SRGAP3: variants seen among roughly 807,000 people sequenced by gnomAD.
SRGAP3 encodes the protein SLIT-ROBO Rho GTPase-activating protein 3.
SRGAP3 carries 39 observed loss-of-function variants against 121.1 expected under a neutral mutation model. That is an observed-to-expected ratio of 0.32 (90% CI 0.25 to 0.42). The LOEUF (loss-of-function observed/expected upper bound fraction) is 0.42, where lower values mean the gene tolerates loss of function less well. Among genes scored for constraint, SRGAP3 ranks in the 10% least tolerant of loss-of-function variants. The pLI is 1.00. For synonymous variants in SRGAP3, 601 were observed against 570.0 expected (o/e 1.05, Z -0.77); for missense variants, 1,213 against 1,470.6 (o/e 0.82, Z 2.86).
chr3:9,190,966 T>C (rs1410560260), intron 1 of SRGAP3, among the ~76,000 whole-genome samples: 1 of 152,168 alleles, frequency 6.6e-6, no homozygotes, highest in Admixed American at 6.5e-5. Flanking sequence ...AATCCTAAAG[T>C]TCCTTCAAGT....
At chr3:9,040,560 A>G (rs1944966313) in intron 10 of SRGAP3, among the ~76,000 whole-genome samples, 1 of 151,318 alleles carries the variant, frequency 6.6e-6, no homozygotes, top group Non-Finnish European at 1.5e-5. Context: ...ATTCTATTCT[A>G]TTCTATTTTA....
intron 3 of SRGAP3, among the ~76,000 whole-genome samples, chr3:9,086,315 C>T (rs2124822890): frequency 6.6e-6 from 1 of 152,064 alleles, no homozygotes; most frequent in East Asian, 1.9e-4. Flanking sequence ...GACCTGAGCC[C>T]AGGATTCGAG....
chr3:9,011,061 T>C (rs981353169), intron 17 of SRGAP3, among the ~76,000 whole-genome samples: 4 of 152,072 alleles, frequency 2.6e-5, no homozygotes, highest in South Asian at 2.1e-4. Flanking sequence ...TATAGAGCCA[T>C]TGAGTGAGTT....
At chr3:9,124,673 G>T in intron 2 of SRGAP3, 52 bp downstream of exon 2, 1 of 1,609,278 alleles carries the variant, frequency 6.2e-7, no homozygotes, top group Non-Finnish European at 8.5e-7. Flanking sequence ...CCAACTGTCC[G>T]CCCACCCCAG....
chr3:9,171,610 C>A (rs1290779610), intron 1 of SRGAP3, among the ~76,000 whole-genome samples: 2 of 152,168 alleles, frequency 1.3e-5, no homozygotes, highest in African/African-American at 4.8e-5. Flanking sequence ...TTATTAAAGT[C>A]TTATTAAAAG....
chr3:9,131,453 T>G (rs1446143129), intron 1 of SRGAP3, among the ~76,000 whole-genome samples: 1 of 147,556 alleles, frequency 6.8e-6, no homozygotes, highest in Non-Finnish European at 1.5e-5. Context: ...TTTTTTTTTT[T>G]TTTGAGATGG....
At chr3:9,197,690 A>T (rs1450848857) in intron 1 of SRGAP3, among the ~76,000 whole-genome samples, 1 of 152,248 alleles carries the variant, frequency 6.6e-6, no homozygotes, top group Non-Finnish European at 1.5e-5. Context: ...CAGATCATGC[A>T]TCTCAGAAGT....
At chr3:9,254,988 A>G (rs943302109) in intron 3 of SRGAP3, among the ~76,000 whole-genome samples, 1 of 147,082 alleles carries the variant, frequency 6.8e-6, no homozygotes, top group Non-Finnish European at 1.5e-5. Flanking sequence ...AAAAAGAAAA[A>G]GAAAGAAAGG....
chr3:9,104,224 A>G (rs1948325597), intron 3 of SRGAP3, among the ~76,000 whole-genome samples: 1 of 152,190 alleles, frequency 6.6e-6, no homozygotes, highest in South Asian at 2.1e-4. Context: ...TTATGATCTG[A>G]TTTAGAAAAA....
At chr3:9,323,732 T>C (rs901793460) in intron 3 of SRGAP3, among the ~76,000 whole-genome samples, 5 of 151,606 alleles carry the variant, frequency 3.3e-5, no homozygotes, top group Non-Finnish European at 7.4e-5. Flanking sequence ...GGTTTTCTTC[T>C]TTATTAAATT....
At chr3:9,044,952 T>C (rs909006339) in intron 10 of SRGAP3, among the ~76,000 whole-genome samples, 2 of 152,320 alleles carry the variant, frequency 1.3e-5, no homozygotes, top group Middle Eastern at 3.4e-3. Flanking sequence ...GTAGTGGCTA[T>C]ATAAAAATGA....
At chr3:9,353,901 ATCT>A (rs1010938383) in intron 1 of SRGAP3, among the ~76,000 whole-genome samples, 16 of 152,110 alleles carry the variant, frequency 1.1e-4, no homozygotes, top group African/African-American at 3.9e-4. Flanking sequence ...GCCAAGTGGG[ATCT>A]TCTTTTAACA....
intron 3 of SRGAP3, among the ~76,000 whole-genome samples, chr3:9,091,540 C>G (rs1472784212): frequency 6.6e-6 from 1 of 152,060 alleles, no homozygotes; most frequent in African/African-American, 2.4e-5. Flanking sequence ...TATGTAAGCA[C>G]GGGCCATCTC....
rs1273500681 is a variant in SRGAP3 at position 8,992,952 on chromosome 3, G to C, written c.2512C>G (p.Pro838Ala). The C allele has an allele frequency of 6.2e-7, 1 of 1,614,222 alleles. No individual in the cohort carries two copies. Among genetic ancestry groups the C allele is most frequent in the Non-Finnish European group, 8.5e-7 (1 of 1,180,050 alleles). ...KASSKNDLQS[P>A]TEHISDYGFG... Reference sequence around the variant, plus strand: ...CCGTAATCCGAGATGTGCTCCGTGGGGGACTGGAGGTCGTTTTTGGAAGAG... The same window carrying C: ...CCGTAATCCGAGATGTGCTCCGTGGCGGACTGGAGGTCGTTTTTGGAAGAG... Residue 838 changes from proline (P) to alanine (A), a missense_variant, in exon 20 of 22, where the codon CCC becomes GCC. Pro to Ala is a conservative substitution (Grantham distance 27, BLOSUM62 -1). This residue lies in a region of SRGAP3 where 420 missense variants were observed against 437.7 expected (regional missense o/e 0.96). Coordinates refer to ENST00000383836, the MANE Select transcript of SRGAP3 (RefSeq NM_014850.4).
intron 3 of SRGAP3, among the ~76,000 whole-genome samples, chr3:9,292,227 T>C (rs984018851): frequency 2.0e-5 from 3 of 152,212 alleles, no homozygotes; most frequent in Non-Finnish European, 4.4e-5. Flanking sequence ...AGAACACAGA[T>C]GGCTGTGCCT....
In SRGAP3 at chr3:9,234,600, T is replaced by G. The variant is rs372133391; in HGVS notation, c.67+14285A>C. ...AGCTTGAATCTCTCAGCGAGAACTC[T>G]ACCCGCCTACAGAAATCCAGGTCTT... is the stretch of plus-strand genomic sequence containing the variant. On this transcript the variant is annotated intron_variant, in intron 1 of 21. Transcript: ENST00000383836. 2.8e-4 allele frequency among the ~76,000 whole-genome samples: 42 copies of G among 152,292 alleles called. No homozygotes were observed. The East Asian group carries it at 7.7e-3, about 28-fold the overall frequency.
chr3:9,352,271 A>ATTTT (rs34692815), intron 1 of SRGAP3, among the ~76,000 whole-genome samples: 3 of 123,434 alleles, frequency 2.4e-5, no homozygotes, highest in Non-Finnish European at 4.9e-5. Flanking sequence ...TGTTATGGAC[A>ATTTT]TTTTTTTTTT....
intron 14 of SRGAP3, among the ~76,000 whole-genome samples, chr3:9,018,613 GA>G (rs1476075394): frequency 1.3e-5 from 2 of 152,194 alleles, no homozygotes; most frequent in East Asian, 3.8e-4. Context: ...AAAAATGGGT[GA>G]ACCTTATGGT....
intron 1 of SRGAP3, among the ~76,000 whole-genome samples, chr3:9,164,083 C>T (rs928745543): frequency 2.7e-5 from 4 of 148,156 alleles, no homozygotes; most frequent in East Asian, 2.0e-4. Flanking sequence ...CTGCAACCTC[C>T]GCCTCCCAGG....
Sources: gnomAD v4.1 joint callset for allele counts (sites outside exome capture counted in the v4.1 genomes callset) on GRCh38, gnomAD v4.1.1 for gene constraint, gnomAD v4.1.1 regional missense constraint, MANE v1.5 for transcripts, NCBI Gene and HGNC (gene_info 2026-07-23, HGNC 2026-07-21) for gene names.